ZYG11B: variants seen among roughly 807,000 people sequenced by gnomAD.
ZYG11B encodes the protein zyg-11 family member B, cell cycle regulator.
ZYG11B carries 36 observed loss-of-function variants against 82.4 expected under a neutral mutation model. That is an observed-to-expected ratio of 0.44 (90% CI 0.33 to 0.58). ZYG11B has a LOEUF of 0.58. ZYG11B is among the 20% of genes least tolerant of loss of function. ZYG11B has a pLI of 0.02. For missense variants in ZYG11B, 552 were observed against 895.6 expected, an observed-to-expected ratio of 0.62 and a Z score of 4.90; for synonymous variants, 303 against 312.8, an observed-to-expected ratio of 0.97 and a Z score of 0.33.
intron 3 of ZYG11B, among the ~76,000 whole-genome samples, chr1:52,779,595 A>T (rs1364416504): frequency 6.6e-6 from 1 of 152,110 alleles, no homozygotes; most frequent in African/African-American, 2.4e-5. Context: ...GGTTCAAGCG[A>T]TTCTCCTGCC....
At chr1:52,782,384 T>C (rs1644864045) in intron 4 of ZYG11B, among the ~76,000 whole-genome samples, 1 of 151,518 alleles carries the variant, frequency 6.6e-6, no homozygotes, top group South Asian at 2.1e-4. Flanking sequence ...GAGCCACTTT[T>C]ATTTTATTTT....
chr1:52,780,742 C>CT (rs1644848351), intron 4 of ZYG11B, among the ~76,000 whole-genome samples: 1 of 152,176 alleles, frequency 6.6e-6, no homozygotes, highest in South Asian at 2.1e-4. Flanking sequence ...GTAGCTAGGA[C>CT]TACAGGTGTG....
In ZYG11B at chr1:52,826,934, A is replaced by AT. The variant is rs1558148312; in HGVS notation, c.*5307dup. On this transcript the variant is annotated 3_prime_UTR_variant, in exon 14 of 14. Coordinates refer to ENST00000294353, the MANE Select transcript of ZYG11B (RefSeq NM_024646.3). The stretch of plus-strand genomic sequence containing the variant: ...TAGCTAATGAAAGCTGAGACACTTT[A>AT]TTAAAAGCAGGATCTTAAGAGCATT... 1 of 152,220 alleles carries AT rather than the reference A, an allele frequency of 6.6e-6. No individual in the cohort carries two copies. Among genetic ancestry groups the AT allele is most frequent in the African/African-American group, 2.4e-5 (1 of 41,456 alleles). 9.4% of individuals were successfully genotyped at this position (152,220 alleles called of 1,614,324 possible). A position where few individuals can be genotyped will look rare whatever the true frequency, so the allele number is the denominator to read the frequency against.
chr1:52,774,796 A>ATTT (rs1644790401), intron 3 of ZYG11B, among the ~76,000 whole-genome samples: 1 of 151,064 alleles, frequency 6.6e-6, no homozygotes, highest in African/African-American at 2.4e-5. Flanking sequence ...TCTTCTCACT[A>ATTT]TTTCCCTACT....
At position 52,797,278 on chromosome 1, in the gene ZYG11B, ATT is replaced by A. The variant is rs1424608258; in HGVS notation, c.1485+496_1485+497del. ...TATATATTTATATTATATATAAAAT[ATT>A]TATATTATATATAAAATATAATATA... is the stretch of plus-strand genomic sequence containing the variant. On this transcript the variant is annotated intron_variant, in intron 8 of 13. Transcript: ENST00000294353. 3.5e-5 allele frequency among the ~76,000 whole-genome samples: 3 copies of A among 85,584 alleles called. No individual in the cohort carries two copies. The East Asian group carries it at 1.1e-3, about 31-fold the overall frequency. The allele number at this position is 85,584 out of a possible 152,430, so 56.1% of individuals were successfully genotyped here. A position where few individuals can be genotyped will look rare whatever the true frequency, so the allele number is the denominator to read the frequency against.
chr1:52,767,786 G>A (rs933281504), intron 2 of ZYG11B, among the ~76,000 whole-genome samples: 1 of 152,202 alleles, frequency 6.6e-6, no homozygotes, highest in Non-Finnish European at 1.5e-5. Context: ...CATGTTGGGA[G>A]GAGGTGGCCT....
chr1:52,771,285 C>T lies in ZYG11B; in HGVS notation c.462C>T (p.Tyr154=), dbSNP rs749902606. The change falls in exon 3 of 14, where the codon TAC becomes TAT. Residue 154 remains tyrosine, a synonymous_variant. Transcript: ENST00000294353. The surrounding 1 kb of genome is among the most constrained non-coding windows in gnomAD (Gnocchi z 5.4). ...NSLTLSLEDP[Y]ERCFSRLSGL... ...TAACTCTCTCCCTCGAGGATCCTTA[C>T]GAGCGCTGCTTCAGCCGGCTTTCTG... is the stretch of plus-strand genomic sequence containing the variant. 2.0e-5 allele frequency: 33 copies of T among 1,614,108 alleles called. No homozygotes were observed. The South Asian group carries it at 2.7e-4, about 13-fold the overall frequency.
intron 1 of ZYG11B, among the ~76,000 whole-genome samples, chr1:52,737,914 G>A (rs11205998): frequency 0.12 from 18,696 of 152,268 alleles, 2,607 homozygotes; most frequent in East Asian, 0.35. Context: ...AGGTTGGGTA[G>A]GTGAGAAATG....
chr1:52,726,964 G>T (rs892226610), intron 1 of ZYG11B, among the ~76,000 whole-genome samples: 1 of 150,320 alleles, frequency 6.7e-6, no homozygotes, highest in Non-Finnish European at 1.5e-5. Context: ...TCCCTTTGTC[G>T]CCCACTCCTT....
At chr1:52,814,809 C>T (rs773521492) in intron 12 of ZYG11B, among the ~76,000 whole-genome samples, 2 of 152,002 alleles carry the variant, frequency 1.3e-5, no homozygotes, top group African/African-American at 2.4e-5. Context: ...GAAAAAGCAT[C>T]GTATTAATGT....
chr1:52,791,796 G>A (rs778470561), intron 6 of ZYG11B, among the ~76,000 whole-genome samples: 1 of 152,102 alleles, frequency 6.6e-6, no homozygotes, highest in Non-Finnish European at 1.5e-5. Context: ...ATATAACTAC[G>A]TATATCTCAT....
rs1558147890 is a variant in ZYG11B at position 52,825,651 on chromosome 1, G to GT, written c.*4024dup. ...CTCCCCAGTCATCTTATTTGGCTAT[G>GT]TTAAAAAAAAAAAAAAAAAAAAAGC... is the stretch of plus-strand genomic sequence containing the variant. On this transcript the variant is annotated 3_prime_UTR_variant, in exon 14 of 14. Transcript: ENST00000294353. 1.3e-5 allele frequency: 1 copy of GT among 74,128 alleles called. No individual in the cohort carries two copies. The highest frequency in any genetic ancestry group is 4.5e-5 in the African/African-American group (1 of 22,150). The allele number at this position is 74,128 out of a possible 1,614,324, so 4.6% of individuals were successfully genotyped here.
Position 52,756,585 on chromosome 1 carries a change from A to T in ZYG11B, c.158A>T (p.Glu53Val), listed in dbSNP as rs1225672977. 1 of 1,614,098 alleles carries T rather than the reference A, an allele frequency of 6.2e-7. No individual in the cohort carries two copies. Among genetic ancestry groups the T allele is most frequent in the Admixed American group, 1.7e-5 (1 of 60,000 alleles). ...CAGGAACCTGGAGTATTCCCACAGG[A>T]GGTGGCTGATCGACTGCTTCGGACC... ...CLQEPGVFPQ[E>V]VADRLLRTMA... Residue 53 changes from glutamate to valine, a missense_variant, in exon 2 of 14, where the codon GAG (glutamate) becomes GTG (valine). Glu to Val is a moderately radical substitution (Grantham distance 121). Around this residue, in one of 3 missense-constraint regions of ZYG11B, gnomAD observed 359 missense variants for 555.8 expected, o/e 0.65. Transcript: ENST00000294353.
chr1:52,740,584 T>C (rs1205073156), intron 1 of ZYG11B, among the ~76,000 whole-genome samples: 1 of 150,892 alleles, frequency 6.6e-6, no homozygotes, highest in Non-Finnish European at 1.5e-5. Flanking sequence ...TTTTTTTTTT[T>C]TGAGACAGGG....
intron 3 of ZYG11B, among the ~76,000 whole-genome samples, chr1:52,773,033 T>C (rs948433219): frequency 1.3e-5 from 2 of 152,168 alleles, no homozygotes; most frequent in Admixed American, 1.3e-4. Flanking sequence ...CCTTGTTGAA[T>C]TGAATACCTA....
intron 1 of ZYG11B, among the ~76,000 whole-genome samples, chr1:52,737,013 T>C (rs1644383665): frequency 6.6e-6 from 1 of 152,092 alleles, no homozygotes; most frequent in Non-Finnish European, 1.5e-5. Context: ...GCATGAACAT[T>C]ATGCTGTTTT....
At chr1:52,816,651 C>A in intron 13 of ZYG11B, 22 bp downstream of exon 13, 1 of 1,536,536 alleles carries the variant, frequency 6.5e-7, no homozygotes, top group Non-Finnish European at 8.9e-7. Flanking sequence ...AAAAAAAGAA[C>A]TGTGTTTTTT....
At chr1:52,793,986 C>T (rs1749907) in intron 6 of ZYG11B, among the ~76,000 whole-genome samples, 88,852 of 149,684 alleles carry the variant, frequency 0.59, 28,950 homozygotes, top group East Asian at 0.97. Flanking sequence ...CTTTCTTCTT[C>T]GTTTTTTGAG....
chr1:52,731,197 C>T (rs887669876), intron 1 of ZYG11B, among the ~76,000 whole-genome samples: 3 of 151,166 alleles, frequency 2.0e-5, no homozygotes, highest in Non-Finnish European at 2.9e-5. Flanking sequence ...TGCTTGAACC[C>T]GGGAGGTGGA....
Sources: gnomAD v4.1 joint callset for allele counts (sites outside exome capture counted in the v4.1 genomes callset) on GRCh38, gnomAD v4.1.1 for gene constraint, gnomAD v4.1.1 regional missense constraint, Gnocchi (gnomAD v3.1) non-coding constraint, MANE v1.5 for transcripts, NCBI Gene and HGNC (gene_info 2026-07-23, HGNC 2026-07-21) for gene names.